SPEN: variants seen among roughly 807,000 people sequenced by gnomAD.
SPEN encodes the protein spen family transcriptional repressor.
SPEN carries 18 observed loss-of-function variants against 269.9 expected under a neutral mutation model. The observed-to-expected ratio is 0.07, with a 90% CI of 0.05 to 0.10. The LOEUF (loss-of-function observed/expected upper bound fraction) is 0.10. Ranked by LOEUF, SPEN falls within the 10% of genes least tolerant of loss-of-function variation. SPEN has a pLI of 1.00. For missense variants in SPEN, 3,822 were observed against 4,631.2 expected, an observed-to-expected ratio of 0.83 and a Z score of 5.07; for synonymous variants, 1,726 against 1,765.7, an observed-to-expected ratio of 0.98 and a Z score of 0.56.
chr1:15,847,791 C>G lies in SPEN; in HGVS notation c.-277C>G, dbSNP rs1051336728. On this transcript the variant is annotated 5_prime_UTR_variant, in exon 1 of 15. Coordinates refer to ENST00000375759, the MANE Select transcript of SPEN (RefSeq NM_015001.3). ...CCGCTCGCCCCTCCTCCCGCTCCCC[C>G]GCCCGCCCCTGCCCGGGCGCATGCG... The G allele has an allele frequency of 5.0e-5, 11 of 218,128 alleles. No individual in the cohort carries two copies. The highest frequency in any genetic ancestry group is 1.0e-4 in the Non-Finnish European group (11 of 109,688). 13.5% of individuals were successfully genotyped at this position (218,128 alleles called of 1,614,324 possible). A position where few individuals can be genotyped will look rare whatever the true frequency, so the allele number is the denominator to read the frequency against.
At chr1:15,859,042 A>T (rs1280987541) in intron 1 of SPEN, among the ~76,000 whole-genome samples, 4 of 152,222 alleles carry the variant, frequency 2.6e-5, no homozygotes, top group African/African-American at 9.6e-5. Context: ...TCCTTCTGCT[A>T]ACCAGCTATG....
At chr1:15,918,760 G>A (rs1357767815) in intron 6 of SPEN, among the ~76,000 whole-genome samples, 166 bp from the exon 7 acceptor site, 2 of 152,146 alleles carry the variant, frequency 1.3e-5, no homozygotes, top group Non-Finnish European at 2.9e-5. Context: ...ATGTTTTATA[G>A]CAAACTAGTA....
intron 3 of SPEN, among the ~76,000 whole-genome samples, chr1:15,884,697 A>G (rs2070719861): frequency 1.3e-5 from 2 of 150,390 alleles, no homozygotes; most frequent in Admixed American, 1.3e-4. Context: ...GTAAAAGTCA[A>G]TTCCTTTCCT....
intron 3 of SPEN, among the ~76,000 whole-genome samples, chr1:15,897,524 G>A (rs1396322540): frequency 6.6e-6 from 1 of 152,110 alleles, no homozygotes; most frequent in Non-Finnish European, 1.5e-5. Context: ...ACCACACCCA[G>A]CTAATATTGT....
chr1:15,888,368 G>C (rs1475218542), intron 3 of SPEN, among the ~76,000 whole-genome samples: 2 of 151,460 alleles, frequency 1.3e-5, no homozygotes, highest in African/African-American at 4.9e-5. Flanking sequence ...CTGTTGCCCA[G>C]GCGGAAGTGC....
In SPEN at chr1:15,892,012, C is replaced by CTTT. The variant is rs71003216; in HGVS notation, c.881+15357_881+15359dup. ...CATTAATTACATCTGTTTCTTTTTA[C>CTTT]TTTTTTTTTTTTTTTTTTTTTTTTT... On this transcript the variant is annotated intron_variant, in intron 3 of 14. Coordinates refer to ENST00000375759, the MANE Select transcript of SPEN (RefSeq NM_015001.3). Among the ~76,000 whole-genome samples, 325 of 74,582 alleles carry CTTT rather than the reference C, an allele frequency of 4.4e-3. 8 individuals are homozygous for CTTT. The highest frequency in any genetic ancestry group is 0.015 in the African/African-American group (275 of 18,000). 48.9% of individuals were successfully genotyped at this position (74,582 alleles called of 152,430 possible).
intron 3 of SPEN, among the ~76,000 whole-genome samples, chr1:15,903,536 T>A (rs897399014): frequency 1.3e-5 from 2 of 152,164 alleles, no homozygotes; most frequent in African/African-American, 4.8e-5. Context: ...CACAGGCGCA[T>A]GCCACCATGC....
At chr1:15,912,089 G>C (rs2071018091) in intron 5 of SPEN, among the ~76,000 whole-genome samples, 1 of 152,224 alleles carries the variant, frequency 6.6e-6, no homozygotes, top group Non-Finnish European at 1.5e-5. Context: ...TGACCTTGAA[G>C]ACAGAGTAAC....
In SPEN at chr1:15,848,768, G is replaced by C. The variant is rs182956613; in HGVS notation, c.83+618G>C. On this transcript the variant is annotated intron_variant, in intron 1 of 14. Coordinates refer to ENST00000375759, the MANE Select transcript of SPEN (RefSeq NM_015001.3). This position sits in a 1 kb window ranked among gnomAD's most constrained non-coding sequence, Gnocchi z 5.1. ...AATGGCAAACGTTTCTCGTTTTTGCGGGGCTGGGTGGAGAGTGGTGTGAAA... is the reference window on the plus strand; with the variant it reads ...AATGGCAAACGTTTCTCGTTTTTGCCGGGCTGGGTGGAGAGTGGTGTGAAA... Among the ~76,000 whole-genome samples, 13 of 152,184 alleles carry C rather than the reference G, an allele frequency of 8.5e-5. No individual in the cohort carries two copies. The highest frequency in any genetic ancestry group is 4.6e-4 in the Admixed American group (7 of 15,290).
chr1:15,861,610 T>C (rs532638935), intron 1 of SPEN, among the ~76,000 whole-genome samples: 3 of 152,304 alleles, frequency 2.0e-5, no homozygotes, highest in South Asian at 2.1e-4. Context: ...AGCACCTTTT[T>C]AGAGTCCTTT....
At position 15,933,215 on chromosome 1, in the gene SPEN, T is replaced by C; in HGVS notation, c.6975T>C (p.Leu2325=). Residue 2325 remains leucine (L), a synonymous_variant, in exon 11 of 15, where the codon CTT becomes CTC. Coordinates refer to ENST00000375759, the MANE Select transcript of SPEN (RefSeq NM_015001.3). This position sits in a 1 kb window ranked among gnomAD's most constrained non-coding sequence, Gnocchi z 5.7. ...AKGSKEVEVT[L]VRKDKGRQKT... ...GGTCTAAAGAAGTGGAAGTCACTCT[T>C]GTTCGGAAAGACAAAGGGCGCCAGA... The C allele has an allele frequency of 1.9e-6, 3 of 1,614,102 alleles. No homozygotes were observed. The highest frequency in any genetic ancestry group is 2.5e-6 in the Non-Finnish European group (3 of 1,180,004).
chr1:15,850,090 A>G (rs1354720859), intron 1 of SPEN, among the ~76,000 whole-genome samples: 1 of 152,104 alleles, frequency 6.6e-6, no homozygotes, highest in East Asian at 1.9e-4. Flanking sequence ...TTCTTAGTGG[A>G]CGGTGCTGCG....
intron 3 of SPEN, among the ~76,000 whole-genome samples, chr1:15,898,582 C>T (rs1292151607): frequency 3.8e-5 from 5 of 131,152 alleles, no homozygotes; most frequent in Non-Finnish European, 7.9e-5. Flanking sequence ...TTGTTTGAGA[C>T]AGAGTCTCAC....
chr1:15,918,500 T>C (rs910323779), intron 6 of SPEN, among the ~76,000 whole-genome samples: 1 of 152,264 alleles, frequency 6.6e-6, no homozygotes, highest in African/African-American at 2.4e-5. Context: ...ATTACAGGCG[T>C]GAGCCACGGT....
At chr1:15,891,566 G>A (rs1462987279) in intron 3 of SPEN, among the ~76,000 whole-genome samples, 2 of 152,036 alleles carry the variant, frequency 1.3e-5, no homozygotes. Flanking sequence ...TAGCCAGGAT[G>A]GTCTTGATCT....
rs1029696118 is a variant in SPEN, at chr1:15,939,571, G to A, written c.*144G>A. The stretch of plus-strand genomic sequence containing the variant: ...CCAGCCGTTTGCTGTCCTGCCGCCC[G>A]GCTCAGTCGGCCAGACTTCCTCTAG... On this transcript the variant is annotated 3_prime_UTR_variant, in exon 15 of 15. Transcript: ENST00000375759. The surrounding 1 kb of genome is among the most constrained non-coding windows in gnomAD (Gnocchi z 4.1). 30 of 1,005,442 alleles carry A rather than the reference G, an allele frequency of 3.0e-5. No individual in the cohort carries two copies. The highest frequency in any genetic ancestry group is 3.6e-5 in the Non-Finnish European group (26 of 717,672). The allele number at this position is 1,005,442 out of a possible 1,614,324, so 62.3% of individuals were successfully genotyped here.
At position 15,933,907 on chromosome 1, in the gene SPEN, C is replaced by T; in HGVS notation, c.7667C>T (p.Thr2556Ile). The part of the protein sequence containing the change: ...ATSVTSTSVT[T>I]AIAEPVSAAP... The stretch of plus-strand genomic sequence containing the variant: ...AGTGTCACTTCCACAAGTGTCACCA[C>T]AGCCATTGCAGAGCCTGTCAGTGCT... The change falls in exon 11 of 15, where the codon ACA becomes ATA. Residue 2556 changes from threonine (T) to isoleucine (I), a missense_variant. By Grantham distance (89) the Thr-to-Ile change is moderately conservative (BLOSUM62 -1). Transcript: ENST00000375759. The surrounding 1 kb of genome is among the most constrained non-coding windows in gnomAD (Gnocchi z 5.7). 1 of 1,614,068 alleles carries T rather than the reference C, an allele frequency of 6.2e-7. No individual in the cohort carries two copies. Among genetic ancestry groups the T allele is most frequent in the Non-Finnish European group, 8.5e-7 (1 of 1,180,034 alleles).
In SPEN at chr1:15,931,980, C is replaced by T. The variant is rs201069603; in HGVS notation, c.5740C>T (p.His1914Tyr). The change falls in exon 11 of 15, where the codon CAT becomes TAT. Residue 1914 changes from histidine to tyrosine, a missense_variant. Transcript: ENST00000375759. The surrounding 1 kb of genome is among the most constrained non-coding windows in gnomAD (Gnocchi z 4.8). ...GAGCGTCTATGCAACCATGGGTGAC[C>T]ATGAAAACCGCTCTCCTGTCAAAGA... ...VRSVYATMGD[H>Y]ENRSPVKEPV... 4 of 1,614,184 alleles carry T rather than the reference C, an allele frequency of 2.5e-6. No individual in the cohort carries two copies. The highest frequency in any genetic ancestry group is 2.2e-5 in the South Asian group (2 of 91,088).
At chr1:15,866,779 G>GCA (rs1308566562) in intron 1 of SPEN, among the ~76,000 whole-genome samples, 4 of 152,116 alleles carry the variant, frequency 2.6e-5, no homozygotes, top group Admixed American at 2.6e-4. Flanking sequence ...ACTATCATCA[G>GCA]CACCTCATCA....
Sources: gnomAD v4.1 joint callset for allele counts (sites outside exome capture counted in the v4.1 genomes callset) on GRCh38, gnomAD v4.1.1 for gene constraint, Gnocchi (gnomAD v3.1) non-coding constraint, MANE v1.5 for transcripts, NCBI Gene and HGNC (gene_info 2026-07-23, HGNC 2026-07-21) for gene names.